The following NUCB1 variants were observed in gnomAD, a reference collection of about 807,000 sequenced individuals.
NUCB1 encodes the protein nucleobindin 1, also known as nucleobindin-1.
A neutral mutation model predicts 61.2 loss-of-function variants in NUCB1; 47 were observed. That is an observed-to-expected ratio of 0.77 (90% confidence interval 0.61 to 0.98). The LOEUF is 0.98. NUCB1 is among the 50% of genes least tolerant of loss of function. NUCB1 has a pLI of 0.00. For missense variants in NUCB1, 583 were observed against 605.3 expected, an observed-to-expected ratio of 0.96 and a Z score of 0.39; for synonymous variants, 234 against 243.1, an observed-to-expected ratio of 0.96 and a Z score of 0.35.
At chr19:48,918,998 C>T in intron 8 of NUCB1, 32 bp from the exon 9 acceptor site, 1 of 1,600,320 alleles carries the variant, frequency 6.2e-7, no homozygotes, top group East Asian at 2.2e-5. Context: ...GGGGACCTCT[C>T]AATGCTGTCT....
At chr19:48,921,025 T>C (rs2037603264) in intron 10 of NUCB1, 129 bp from the exon 11 acceptor site, 1 of 976,458 alleles carries the variant, frequency 1.0e-6, no homozygotes, top group Non-Finnish European at 1.5e-6. Context: ...CACTTGGGCT[T>C]CTTTGCCCAC....
intron 4 of NUCB1, among the ~76,000 whole-genome samples, chr19:48,907,636 G>A (rs1168649059): frequency 3.9e-5 from 6 of 152,130 alleles, no homozygotes; most frequent in African/African-American, 9.7e-5. Flanking sequence ...GAAAGGTCAC[G>A]CATTCACAGG....
intron 10 of NUCB1, among the ~76,000 whole-genome samples, chr19:48,920,911 C>T (rs766238655): frequency 9.9e-5 from 15 of 152,112 alleles, no homozygotes; most frequent in Non-Finnish European, 1.6e-4. Context: ...GAACTCCTGG[C>T]GTCAAGTGAT....
chr19:48,913,470 A>G lies in NUCB1; in HGVS notation c.667-4A>G. On this transcript the variant is annotated splice_region_variant and splice_polypyrimidine_tract_variant and intron_variant, in intron 6 of 12. Coordinates refer to ENST00000405315, the MANE Select transcript of NUCB1 (RefSeq NM_006184.6). ...TCATGAGCTCCTGGCTCTCCCCTCC[A>G]CAGGGCAGCCAAGCCCAGTTGAAGG... is the stretch of plus-strand genomic sequence containing the variant. 6.2e-7 allele frequency: 1 copy of G among 1,613,980 alleles called. No homozygotes were observed. The highest frequency in any genetic ancestry group is 8.5e-7 in the Non-Finnish European group (1 of 1,179,868).
Position 48,921,279 on chromosome 19 carries a change from G to C in NUCB1, c.1128G>C (p.Gly376=). 5 of 1,603,308 alleles carry C rather than the reference G, an allele frequency of 3.1e-6. No individual in the cohort carries two copies. The highest frequency in any genetic ancestry group is 4.3e-6 in the Non-Finnish European group (5 of 1,175,560). The stretch of plus-strand genomic sequence containing the variant: ...TCAGCCAGGAGACAGAGGCTCTAGG[G>C]CGGTCCCAGGGCCGCCTGGAGGCCC... ...QRLSQETEAL[G]RSQGRLEAQK... Residue 376 remains glycine, a synonymous_variant, in exon 11 of 13, where the codon GGG becomes GGC. Transcript: ENST00000405315.
At chr19:48,913,345 A>AG (rs2037501258) in intron 6 of NUCB1, 129 bp from the exon 7 acceptor site, 18 of 1,207,520 alleles carry the variant, frequency 1.5e-5, no homozygotes, top group Non-Finnish European at 2.0e-5. Context: ...GTCTGCTGGG[A>AG]GTTGTAGTTT....
At chr19:48,920,140 C>G (rs573633778) in intron 10 of NUCB1, among the ~76,000 whole-genome samples, 1 of 152,140 alleles carries the variant, frequency 6.6e-6, no homozygotes, top group Admixed American at 6.6e-5. Context: ...AACTCCTGGA[C>G]TCAAGCTATC....
At chr19:48,911,287 G>A (rs775486715) in intron 5 of NUCB1, 35 bp downstream of exon 5, 1 of 1,496,662 alleles carries the variant, frequency 6.7e-7, no homozygotes, top group Admixed American at 1.7e-5. Context: ...GAGGATTGAG[G>A]GTAGCTTTGC....
Position 48,911,160 on chromosome 19 carries a change from G to A in NUCB1, c.388G>A (p.Asp130Asn). ...TCCCTCTCTTCCAGATGTACAGGTG[G>A]ATCATCTGAATCTCCTGAAACAGTT... ...DAEQDPNVQV[D>N]HLNLLKQFEH... is the part of the protein sequence containing the mutation. Residue 130 changes from aspartate to asparagine, a missense_variant, in exon 5 of 13, where the codon GAT becomes AAT. Coordinates refer to ENST00000405315, the MANE Select transcript of NUCB1 (RefSeq NM_006184.6). 1 of 1,612,754 alleles carries A rather than the reference G, an allele frequency of 6.2e-7. No individual in the cohort carries two copies. Among genetic ancestry groups the A allele is most frequent in the Non-Finnish European group, 8.5e-7 (1 of 1,179,008 alleles).
intron 4 of NUCB1, among the ~76,000 whole-genome samples, chr19:48,910,621 C>T (rs1026585151): frequency 1.4e-5 from 2 of 147,884 alleles, no homozygotes; most frequent in Non-Finnish European, 3.0e-5. Flanking sequence ...GCCTGGGAGG[C>T]GGAGGTTGCA....
rs144654329 is a variant in NUCB1, at chr19:48,900,765, C to G, written c.-11-21C>G. The stretch of plus-strand genomic sequence containing the variant: ...GCTTGGGACAGACATTATGCATTAT[C>G]CAGCCCTCCATCCCCCACAGACCAC... On this transcript the variant is annotated intron_variant, in intron 1 of 12. Transcript: ENST00000405315. 3.8e-4 allele frequency: 608 copies of G among 1,610,592 alleles called. 4 individuals are homozygous for G. In the East Asian group the frequency reaches 5.6e-3, roughly 15 times the overall value.
chr19:48,905,931 A>AT, intron 4 of NUCB1, 46 bp downstream of exon 4: 2 of 1,176,622 alleles, frequency 1.7e-6, no homozygotes, highest in Non-Finnish European at 2.4e-6. Context: ...GGGGTGGGGA[A>AT]GGGTGGCCTC....
chr19:48,912,843 C>CAAAAAAAAAAAA (rs5828367), intron 5 of NUCB1, among the ~76,000 whole-genome samples, 168 bp from the exon 6 acceptor site: 1 of 95,326 alleles, frequency 1.0e-5, no homozygotes, highest in African/African-American at 4.1e-5. Flanking sequence ...GACTCCCTCT[C>CAAAAAAAAAAAA]AAAAAAAAAA....
At chr19:48,920,832 A>G (rs1465063168) in intron 10 of NUCB1, among the ~76,000 whole-genome samples, 1 of 150,750 alleles carries the variant, frequency 6.6e-6, no homozygotes, top group African/African-American at 2.4e-5. Flanking sequence ...CTATTTCTAT[A>G]TATTTTTCAA....
rs554901851 is a variant in NUCB1, at chr19:48,913,110, C to T, written c.580C>T (p.Leu194=). 4 of 1,613,654 alleles carry T rather than the reference C, an allele frequency of 2.5e-6. No homozygotes were observed. The African/African-American group carries it at 5.3e-5, about 22-fold the overall frequency. ...EHERRRYLES[L]GEEQRKEAER... ...CGAGAGACGGCGTTATCTGGAGTCA[C>T]TGGGAGAGGAGCAGAGAAAGGAGGC... Residue 194 remains leucine (L), a synonymous_variant, in exon 6 of 13, where the codon CTG becomes TTG. Transcript: ENST00000405315.
At chr19:48,920,929 A>G (rs897302511) in intron 10 of NUCB1, among the ~76,000 whole-genome samples, 1 of 151,866 alleles carries the variant, frequency 6.6e-6, no homozygotes, top group Non-Finnish European at 1.5e-5. Context: ...GATCCTTCCC[A>G]CTTTCGCCTC....
At chr19:48,912,364 A>G (rs2037483632) in intron 5 of NUCB1, among the ~76,000 whole-genome samples, 1 of 152,092 alleles carries the variant, frequency 6.6e-6, no homozygotes. Context: ...TACCTGAAAT[A>G]CATAAATACT....
intron 1 of NUCB1, 102 bp from the exon 2 acceptor site, chr19:48,900,684 C>T: frequency 6.9e-7 from 1 of 1,440,158 alleles, no homozygotes; most frequent in East Asian, 2.3e-5. Flanking sequence ...TGTCTTGATT[C>T]TTGGAAGTGG....
chr19:48,909,902 C>A (rs2122179992), intron 4 of NUCB1, among the ~76,000 whole-genome samples: 1 of 152,090 alleles, frequency 6.6e-6, no homozygotes, highest in African/African-American at 2.4e-5. Flanking sequence ...CAGTAATGAC[C>A]TCATCTTAAC....
Sources: gnomAD v4.1 joint callset for allele counts (sites outside exome capture counted in the v4.1 genomes callset) on GRCh38, gnomAD v4.1.1 for gene constraint, MANE v1.5 for transcripts, NCBI Gene and HGNC (gene_info 2026-07-23, HGNC 2026-07-21) for gene names.